Variants in NAV3 observed in about 807,000 individuals in gnomAD.
The protein encoded by NAV3 is neuron navigator 3.
A neutral mutation model predicts 244.7 loss-of-function variants in NAV3; 87 were observed. That is an observed-to-expected ratio of 0.36 (90% CI 0.30 to 0.42). NAV3 has a LOEUF of 0.42. NAV3 is among the 20% of genes least tolerant of loss of function. The pLI, the probability that NAV3 is intolerant of heterozygous loss-of-function variation, is 1.00. For synonymous variants in NAV3, 1,126 were observed against 1,042.2 expected, an observed-to-expected ratio of 1.08 and a Z score of -1.55; for missense variants, 2,663 against 2,893.3, an observed-to-expected ratio of 0.92 and a Z score of 1.83.
intron 34 of NAV3, 78 bp from the exon 35 acceptor site, chr12:78,197,169 G>A (rs1456118604): frequency 3.6e-6 from 4 of 1,100,480 alleles, no homozygotes; most frequent in Non-Finnish European, 3.7e-6. Context: ...GACAAAGAGT[G>A]CTATTCCTAA....
At chr12:78,188,440 C>G (rs1013945257) in intron 32 of NAV3, 97 bp downstream of exon 32, 3 of 1,204,238 alleles carry the variant, frequency 2.5e-6, no homozygotes, top group Admixed American at 2.2e-5. Flanking sequence ...TTCTTTTCCT[C>G]TCCTCAAATA....
intron 1 of NAV3, among the ~76,000 whole-genome samples, chr12:77,841,520 T>G (rs1211597777): frequency 1.3e-5 from 2 of 152,190 alleles, no homozygotes; most frequent in Non-Finnish European, 2.9e-5. Context: ...ATTCTCCACT[T>G]TTTTAATGCT....
intron 39 of NAV3, among the ~76,000 whole-genome samples, chr12:78,206,153 T>A (rs1252791836): frequency 1.3e-5 from 2 of 151,032 alleles, no homozygotes; most frequent in Non-Finnish European, 3.0e-5. Context: ...AAGAGTTTCA[T>A]AAAATCACTG....
chr12:77,890,595 C>T (rs1457221614), intron 1 of NAV3, among the ~76,000 whole-genome samples: 1 of 152,138 alleles, frequency 6.6e-6, no homozygotes, highest in Non-Finnish European at 1.5e-5. Flanking sequence ...TCTTACCTTT[C>T]TTTAAAAATG....
chr12:77,797,479 A>G (rs1468294120), intron 2 of NAV3, among the ~76,000 whole-genome samples: 1 of 139,208 alleles, frequency 7.2e-6, no homozygotes, highest in Non-Finnish European at 1.6e-5. Flanking sequence ...TAGTTTCCTT[A>G]TTTACTCTTC....
intron 9 of NAV3, among the ~76,000 whole-genome samples, chr12:78,047,489 G>GCAAAA (rs949480625): frequency 1.3e-5 from 2 of 151,800 alleles, no homozygotes; most frequent in African/African-American, 4.8e-5. Flanking sequence ...TCTGTCTCAA[G>GCAAAA]CAAAACAAAA....
intron 2 of NAV3, among the ~76,000 whole-genome samples, chr12:77,645,535 C>CAAAAAAAAAAAAA (rs1872574122): frequency 1.4e-5 from 1 of 69,292 alleles, no homozygotes; most frequent in African/African-American, 7.9e-5. Flanking sequence ...CTCTCTCTCT[C>CAAAAAAAAAAAAA]TAAAAAAAAA....
At chr12:78,013,783 A>G (rs1043751711) in intron 8 of NAV3, among the ~76,000 whole-genome samples, 2 of 152,052 alleles carry the variant, frequency 1.3e-5, no homozygotes, top group African/African-American at 4.8e-5. Flanking sequence ...TGAAGGAGCA[A>G]TTTACTGAAT....
intron 8 of NAV3, among the ~76,000 whole-genome samples, chr12:78,009,203 G>A (rs1343500777): frequency 6.6e-6 from 1 of 152,138 alleles, no homozygotes; most frequent in Non-Finnish European, 1.5e-5. Context: ...GCACAGCTTA[G>A]AAGTTACAGT....
At chr12:77,998,514 A>T (rs1370247064) in intron 7 of NAV3, 38 bp downstream of exon 7, 2 of 1,564,100 alleles carry the variant, frequency 1.3e-6, no homozygotes, top group African/African-American at 2.8e-5. Flanking sequence ...CAAGTCCAAC[A>T]TGAGTCTTGT....
intron 5 of NAV3, among the ~76,000 whole-genome samples, chr12:77,984,060 T>G (rs1870042030): frequency 6.6e-6 from 1 of 152,200 alleles, no homozygotes; most frequent in African/African-American, 2.4e-5. Flanking sequence ...CTGTGTGTGT[T>G]GTTTTGGGAA....
At chr12:77,934,274 C>G (rs1347168318) in intron 1 of NAV3, among the ~76,000 whole-genome samples, 1 of 152,140 alleles carries the variant, frequency 6.6e-6, no homozygotes, top group South Asian at 2.1e-4. Context: ...CTTATTTTAA[C>G]CTATCCTCAC....
chr12:77,590,079 C>T (rs940054594), intron 2 of NAV3, among the ~76,000 whole-genome samples: 6 of 152,114 alleles, frequency 3.9e-5, no homozygotes, highest in African/African-American at 1.4e-4. Flanking sequence ...TAAAACATAA[C>T]CTTAAACCTC....
At chr12:77,989,857 T>C (rs549419107) in intron 5 of NAV3, among the ~76,000 whole-genome samples, 1 of 152,162 alleles carries the variant, frequency 6.6e-6, no homozygotes, top group Non-Finnish European at 1.5e-5. Flanking sequence ...AGAATAGTTC[T>C]TATTCTGCTT....
rs571887691 is a variant in NAV3, at chr12:77,654,834, TA to T, written c.72+82569del. On this transcript the variant is annotated intron_variant, in intron 2 of 8. Transcript: ENST00000550042. Reference sequence around the variant, plus strand: ...ACTGTTCTGCAGACACCACTGCTAATACCCAGGCAAACAGGGTCTGGAGTGG... The same window carrying T: ...ACTGTTCTGCAGACACCACTGCTAATCCCAGGCAAACAGGGTCTGGAGTGG... 2.6e-4 allele frequency among the ~76,000 whole-genome samples: 40 copies of T among 151,272 alleles called. No homozygotes were observed. In the South Asian group the frequency reaches 7.7e-3, roughly 29 times the overall value.
At chr12:77,623,380 T>C (rs985871012) in intron 2 of NAV3, among the ~76,000 whole-genome samples, 1 of 152,132 alleles carries the variant, frequency 6.6e-6, no homozygotes, top group Non-Finnish European at 1.5e-5. Flanking sequence ...TGGTTTTGAA[T>C]TGGTTTTGAA....
intron 2 of NAV3, among the ~76,000 whole-genome samples, chr12:77,774,932 C>T (rs1381634024): frequency 1.3e-5 from 2 of 152,132 alleles, no homozygotes; most frequent in Admixed American, 6.6e-5. Flanking sequence ...ATCATAGTGT[C>T]GTCCCATGAG....
At chr12:78,041,166 T>G (rs933302024) in intron 9 of NAV3, among the ~76,000 whole-genome samples, 1 of 152,224 alleles carries the variant, frequency 6.6e-6, no homozygotes, top group Non-Finnish European at 1.5e-5. Context: ...TTGTGTGAAC[T>G]TAGTGTAGAG....
intron 2 of NAV3, among the ~76,000 whole-genome samples, chr12:77,757,452 C>T (rs921307596): frequency 6.6e-6 from 1 of 152,184 alleles, no homozygotes. Flanking sequence ...ACAATATCAC[C>T]TGTTCATTCC....
Sources: gnomAD v4.1 joint callset for allele counts (sites outside exome capture counted in the v4.1 genomes callset) on GRCh38, gnomAD v4.1.1 for gene constraint, MANE v1.5 for transcripts, NCBI Gene and HGNC (gene_info 2026-07-23, HGNC 2026-07-21) for gene names.